WNT3: variants seen among roughly 807,000 people sequenced by gnomAD.
The protein encoded by WNT3 is Wnt family member 3.
WNT3 carries 7 observed loss-of-function variants against 34.2 expected under a neutral mutation model. That is an observed-to-expected ratio of 0.20 (90% CI 0.12 to 0.38). WNT3 has a LOEUF of 0.38. Ranked by LOEUF, WNT3 falls within the 10% of genes least tolerant of loss-of-function variation. The pLI is 1.00. For missense variants in WNT3, 267 were observed against 499.8 expected, an observed-to-expected ratio of 0.53 and a Z score of 4.44; for synonymous variants, 212 against 211.5, an observed-to-expected ratio of 1.00 and a Z score of -0.02.
At chr17:46,816,779 G>A (rs1167375089) in intron 1 of WNT3, among the ~76,000 whole-genome samples, 6 of 152,102 alleles carry the variant, frequency 3.9e-5, no homozygotes, top group Non-Finnish European at 7.4e-5. Flanking sequence ...CCTATGGGCC[G>A]CCAAACCTTT....
At chr17:46,805,301 A>G (rs941106820) in intron 1 of WNT3, among the ~76,000 whole-genome samples, 43 of 152,070 alleles carry the variant, frequency 2.8e-4, no homozygotes, top group Admixed American at 1.3e-4. Context: ...GGCTGGGCAC[A>G]GTGGCTCACG....
At chr17:46,780,059 A>G (rs2059447380) in intron 1 of WNT3, among the ~76,000 whole-genome samples, 1 of 152,208 alleles carries the variant, frequency 6.6e-6, no homozygotes, top group Non-Finnish European at 1.5e-5. Context: ...GCCTGGCCAT[A>G]GAGAACATTT....
chr17:46,784,335 C>A (rs1403168230), intron 1 of WNT3, among the ~76,000 whole-genome samples: 3 of 152,144 alleles, frequency 2.0e-5, no homozygotes, highest in Non-Finnish European at 4.4e-5. Context: ...GCCAGAGGGA[C>A]TTCCAGGCAC....
rs546236262 is a variant in WNT3, at chr17:46,785,021, C to T, written c.81-11112G>A. On this transcript the variant is annotated intron_variant, in intron 1 of 4. Coordinates refer to ENST00000225512, the MANE Select transcript of WNT3 (RefSeq NM_030753.5). The stretch of plus-strand genomic sequence containing the variant: ...CTCGATCTCCTGACCTCGTGATCTG[C>T]CCGCCTTGGCCTCCCAAAGTGCTGG... Among the ~76,000 whole-genome samples, 62 of 152,286 alleles carry T rather than the reference C, an allele frequency of 4.1e-4. No individual in the cohort carries two copies. The East Asian group carries it at 9.5e-3, about 23-fold the overall frequency.
At chr17:46,808,440 A>C (rs2084225182) in intron 1 of WNT3, among the ~76,000 whole-genome samples, 1 of 152,238 alleles carries the variant, frequency 6.6e-6, no homozygotes, top group Non-Finnish European at 1.5e-5. Flanking sequence ...GAATATGAAC[A>C]AGCAAATTTT....
chr17:46,785,790 G>A (rs1007856051), intron 1 of WNT3, among the ~76,000 whole-genome samples: 3 of 152,130 alleles, frequency 2.0e-5, no homozygotes, highest in Admixed American at 6.5e-5. Flanking sequence ...AGAGGCTGCG[G>A]GCCCTGTGCT....
At chr17:46,796,586 C>G (rs1199674425) in intron 1 of WNT3, among the ~76,000 whole-genome samples, 1 of 152,212 alleles carries the variant, frequency 6.6e-6, no homozygotes, top group Non-Finnish European at 1.5e-5. Context: ...CACAGAGAGG[C>G]AAGCGCAACT....
chr17:46,797,597 T>C (rs2084071456), intron 1 of WNT3, among the ~76,000 whole-genome samples: 1 of 152,216 alleles, frequency 6.6e-6, no homozygotes, highest in Admixed American at 6.5e-5. Context: ...CATCATCTTG[T>C]AAAGCTCAAC....
chr17:46,765,948 TG>T (rs2059308836), intron 4 of WNT3, among the ~76,000 whole-genome samples: 1 of 152,208 alleles, frequency 6.6e-6, no homozygotes, highest in Non-Finnish European at 1.5e-5. Flanking sequence ...TGTCCTCCAC[TG>T]GTCACAGAGT....
chr17:46,814,721 C>A (rs921693011), intron 1 of WNT3, among the ~76,000 whole-genome samples: 1 of 152,230 alleles, frequency 6.6e-6, no homozygotes, highest in Non-Finnish European at 1.5e-5. Flanking sequence ...CTTCCTCCCC[C>A]GCAGTCTCCA....
At chr17:46,785,604 G>A (rs372246860) in intron 1 of WNT3, among the ~76,000 whole-genome samples, 8 of 152,356 alleles carry the variant, frequency 5.3e-5, no homozygotes, top group African/African-American at 1.9e-4. Context: ...AGCTTCTGAA[G>A]GTTCCCTTTC....
intron 3 of WNT3, among the ~76,000 whole-genome samples, chr17:46,769,184 C>T (rs1449663593): frequency 6.6e-6 from 1 of 152,028 alleles, no homozygotes; most frequent in East Asian, 1.9e-4. Flanking sequence ...GGTGTGGTGG[C>T]GGACGCCTGT....
chr17:46,817,250 A>C (rs889202297), intron 1 of WNT3, among the ~76,000 whole-genome samples: 1 of 152,106 alleles, frequency 6.6e-6, no homozygotes, highest in Non-Finnish European at 1.5e-5. Flanking sequence ...GGGTTGGCGA[A>C]AGGCAGGGAG....
chr17:46,773,913 C>CA lies in WNT3; in HGVS notation c.81-5dup. 1 of 1,611,016 alleles carries CA rather than the reference C, an allele frequency of 6.2e-7. No individual in the cohort carries two copies. Among genetic ancestry groups the CA allele is most frequent in the Non-Finnish European group, 8.5e-7 (1 of 1,179,730 alleles). ...CTGCTGGCCCAGGGCCAGGGACCTG[C>CA]AGGCAGACAGAGGGTAGTAACACTG... On this transcript the variant is annotated splice_region_variant and splice_polypyrimidine_tract_variant and intron_variant, in intron 1 of 4. Transcript: ENST00000225512.
chr17:46,774,594 G>C (rs1363140418), intron 1 of WNT3, among the ~76,000 whole-genome samples: 2 of 152,238 alleles, frequency 1.3e-5, no homozygotes, highest in African/African-American at 2.4e-5. Context: ...TTAGCACAGA[G>C]TCAGAAGGGA....
intron 1 of WNT3, among the ~76,000 whole-genome samples, chr17:46,775,316 T>TC (rs1474158401): frequency 5.9e-5 from 9 of 152,266 alleles, no homozygotes; most frequent in East Asian, 1.9e-4. Flanking sequence ...CCATGTGCCT[T>TC]CCCCCGGGTC....
intron 1 of WNT3, among the ~76,000 whole-genome samples, chr17:46,808,809 AAAG>A (rs1182565833): frequency 2.0e-5 from 3 of 152,196 alleles, no homozygotes; most frequent in Non-Finnish European, 2.9e-5. Context: ...GATTAAAAAA[AAAG>A]AAAAAGAAAC....
At chr17:46,787,988 ACCCT>A (rs1441423725) in intron 1 of WNT3, among the ~76,000 whole-genome samples, 5 of 149,410 alleles carry the variant, frequency 3.3e-5, no homozygotes, top group Non-Finnish European at 7.4e-5. Flanking sequence ...TGTAGCCTCC[ACCCT>A]CCTCAGTGAC....
At chr17:46,769,338 GAAAA>G (rs898521707) in intron 3 of WNT3, among the ~76,000 whole-genome samples, 10 of 149,900 alleles carry the variant, frequency 6.7e-5, no homozygotes, top group Admixed American at 6.6e-4. Flanking sequence ...AAAAAGAAAA[GAAAA>G]AGAAAAAAGA....
Sources: gnomAD v4.1 joint callset for allele counts (sites outside exome capture counted in the v4.1 genomes callset) on GRCh38, gnomAD v4.1.1 for gene constraint, MANE v1.5 for transcripts, NCBI Gene and HGNC (gene_info 2026-07-23, HGNC 2026-07-21) for gene names.